The following PARP4 variants were observed in gnomAD, a reference collection of about 807,000 sequenced individuals.
PARP4 encodes the protein protein mono-ADP-ribosyltransferase PARP4.
Under a neutral mutation model 187.7 loss-of-function variants are expected in PARP4, and 120 were observed. That is an observed-to-expected ratio of 0.64 (90% CI 0.55 to 0.74). PARP4 has a LOEUF of 0.74. Among genes scored for constraint, PARP4 ranks in the 30% least tolerant of loss-of-function variants. PARP4 has a pLI of 0.00. For missense variants in PARP4, 1,836 were observed against 2,070.5 expected, an observed-to-expected ratio of 0.89 and a Z score of 2.20; for synonymous variants, 654 against 740.9, an observed-to-expected ratio of 0.88 and a Z score of 1.90.
At chr13:24,425,914 T>C (rs1421840027) in intron 33 of PARP4, among the ~76,000 whole-genome samples, 1 of 152,054 alleles carries the variant, frequency 6.6e-6, no homozygotes, top group Non-Finnish European at 1.5e-5. Context: ...GCAAACCCTC[T>C]TAGGGTGCTG....
intron 7 of PARP4, among the ~76,000 whole-genome samples, 193 bp downstream of exon 7, chr13:24,494,368 CAGTTTACGTAGA>C (rs1868825719): frequency 6.6e-6 from 1 of 152,052 alleles, no homozygotes; most frequent in Non-Finnish European, 1.5e-5. Flanking sequence ...TAATGTTTTT[CAGTTTACGTAGA>C]AATGGGTCTC....
chr13:24,512,435 T>A (rs1210655749), intron 1 of PARP4, among the ~76,000 whole-genome samples: 1 of 152,204 alleles, frequency 6.6e-6, no homozygotes, highest in Non-Finnish European at 1.5e-5. Flanking sequence ...TTGGTGTGAC[T>A]GTCGGCTCCG....
At position 24,501,709 on chromosome 13, in the gene PARP4, G is replaced by T; in HGVS notation, c.258C>A (p.Leu86=). The part of the protein sequence containing the change: ...FIWKSIREKR[L]LDVKNYDPYK... ...AAGGATCATAATTCTTTACATCCAA[G>T]AGTCTCTTTTCCCTGATAGATTTCC... The change falls in exon 3 of 34, where the codon CTC becomes CTA. Residue 86 remains leucine (L), a synonymous_variant. Transcript: ENST00000381989. 1 of 1,613,066 alleles carries T rather than the reference G, an allele frequency of 6.2e-7. No individual in the cohort carries two copies. Among genetic ancestry groups the T allele is most frequent in the South Asian group, 1.1e-5 (1 of 91,048 alleles).
chr13:24,489,498 A>C (rs1257782414), intron 10 of PARP4, among the ~76,000 whole-genome samples: 1 of 152,102 alleles, frequency 6.6e-6, no homozygotes, highest in Non-Finnish European at 1.5e-5. Context: ...GTCCCAGCTG[A>C]GGGGGGTGGC....
intron 33 of PARP4, among the ~76,000 whole-genome samples, chr13:24,424,626 T>A (rs1157595068): frequency 5.9e-5 from 9 of 152,086 alleles, no homozygotes; most frequent in South Asian, 2.1e-4. Context: ...TAATATTTTT[T>A]AATCCTTAGG....
At chr13:24,503,466 G>T (rs920384918) in intron 2 of PARP4, among the ~76,000 whole-genome samples, 179 bp downstream of exon 2, 4 of 152,162 alleles carry the variant, frequency 2.6e-5, no homozygotes, top group African/African-American at 7.2e-5. Context: ...ACAGGGCTGG[G>T]CCACCTCTGC....
chr13:24,492,726 C>G lies in PARP4; in HGVS notation c.880-132G>C, dbSNP rs146714811. 3.0e-5 allele frequency: 22 copies of G among 731,590 alleles called. No individual in the cohort carries two copies. In the East Asian group the frequency reaches 5.8e-4, roughly 19 times the overall value. The allele number at this position is 731,590 out of a possible 1,614,324, so 45.3% of individuals were successfully genotyped here. The stretch of plus-strand genomic sequence containing the variant: ...TTTCTACTGGAGAGCCTTCACAAAG[C>G]AAATGCTGATCTTTATTGGAGACGT... On this transcript the variant is annotated intron_variant, in intron 8 of 33. Coordinates refer to ENST00000381989, the MANE Select transcript of PARP4 (RefSeq NM_006437.4).
intron 15 of PARP4, among the ~76,000 whole-genome samples, chr13:24,472,509 C>G (rs960978579): frequency 6.6e-6 from 1 of 152,220 alleles, no homozygotes; most frequent in Admixed American, 6.5e-5. Flanking sequence ...AACATCATGG[C>G]ACTGTACTTG....
At chr13:24,488,260 T>TCTTA (rs71074604) in intron 10 of PARP4, among the ~76,000 whole-genome samples, 78,358 of 151,584 alleles carry the variant, frequency 0.52, 20,421 homozygotes, top group South Asian at 0.64. Context: ...GTCACCGGAC[T>TCTTA]CTTAGTACAG....
At chr13:24,504,500 G>C (rs1869501007) in intron 1 of PARP4, among the ~76,000 whole-genome samples, 1 of 151,750 alleles carries the variant, frequency 6.6e-6, no homozygotes, top group South Asian at 2.1e-4. Context: ...TTTTAGTAGA[G>C]ACAAAGGTTT....
intron 33 of PARP4, among the ~76,000 whole-genome samples, chr13:24,425,533 G>A (rs1458763614): frequency 9.5e-6 from 1 of 104,980 alleles, no homozygotes; most frequent in African/African-American, 4.6e-5. Context: ...ATATGTGTAT[G>A]CATGTGTGCA....
chr13:24,467,939 T>G (rs184350488), intron 17 of PARP4, among the ~76,000 whole-genome samples: 282 of 152,292 alleles, frequency 1.9e-3, no homozygotes, highest in Middle Eastern at 6.8e-3. Context: ...AATAATCACC[T>G]CTTCATTACT....
intron 30 of PARP4, among the ~76,000 whole-genome samples, chr13:24,439,512 G>A (rs61947029): frequency 0.16 from 24,413 of 152,092 alleles, 2,112 homozygotes; most frequent in Middle Eastern, 0.3. Context: ...GTAGCAGAGT[G>A]TAGGGGCGTA....
intron 32 of PARP4, among the ~76,000 whole-genome samples, chr13:24,428,366 T>G (rs1457924892): frequency 6.6e-6 from 1 of 152,220 alleles, no homozygotes; most frequent in East Asian, 1.9e-4. Context: ...CTCTGCTCAG[T>G]CCACCTTCTT....
At chr13:24,473,452 A>G (rs1384112008) in intron 15 of PARP4, among the ~76,000 whole-genome samples, 3 of 152,212 alleles carry the variant, frequency 2.0e-5, no homozygotes, top group Admixed American at 6.5e-5. Context: ...AAAATTCAGA[A>G]CAGTTTACCA....
intron 15 of PARP4, 120 bp from the exon 16 acceptor site, chr13:24,470,145 C>A: frequency 1.2e-6 from 1 of 854,704 alleles, no homozygotes; most frequent in African/African-American, 1.7e-5. Context: ...TGTATCACGT[C>A]CCTCAAATTC....
rs889853126 is a variant in PARP4 at position 24,505,953 on chromosome 13, G to T, written c.-1-2176C>A. 7.9e-5 allele frequency among the ~76,000 whole-genome samples: 12 copies of T among 152,356 alleles called. No homozygotes were observed. The East Asian group carries it at 1.5e-3, about 20-fold the overall frequency. ...TGAGTTGCTGAAAGCCCACCGCCCT[G>T]CACCGCGATTGGGCTCCGCCATTTC... On this transcript the variant is annotated intron_variant, in intron 1 of 33. Transcript: ENST00000381989.
chr13:24,482,656 GTT>G (rs35384385), intron 12 of PARP4, among the ~76,000 whole-genome samples: 1,642 of 151,210 alleles, frequency 0.011, 39 homozygotes, highest in African/African-American at 0.037. Flanking sequence ...TATGTACATT[GTT>G]TTTTTTTTAA....
At chr13:24,440,224 C>G (rs1870850406) in intron 30 of PARP4, among the ~76,000 whole-genome samples, 1 of 151,740 alleles carries the variant, frequency 6.6e-6, no homozygotes, top group South Asian at 2.1e-4. Flanking sequence ...ATGGTGAAAC[C>G]CCATCTCTAC....
Sources: gnomAD v4.1 joint callset for allele counts (sites outside exome capture counted in the v4.1 genomes callset) on GRCh38, gnomAD v4.1.1 for gene constraint, MANE v1.5 for transcripts, NCBI Gene and HGNC (gene_info 2026-07-23, HGNC 2026-07-21) for gene names.